Variants in SCFD2 observed in about 807,000 individuals in gnomAD.
The protein encoded by SCFD2 is sec1 family domain-containing protein 2.
Under a neutral mutation model 58.9 loss-of-function variants are expected in SCFD2, and 54 were observed. That is an observed-to-expected ratio of 0.92 (90% confidence interval 0.74 to 1.15). The LOEUF (loss-of-function observed/expected upper bound fraction) is 1.15, where lower values mean the gene tolerates loss of function less well. SCFD2 is among the 50% of genes most tolerant of loss of function. The probability of loss-of-function intolerance (pLI) is 0.00; values close to 1 mark genes in which losing one functional copy is unlikely to be tolerated. For synonymous variants in SCFD2, 321 were observed against 335.9 expected (o/e 0.96, Z 0.49); for missense variants, 805 against 836.6 (o/e 0.96, Z 0.47).
rs1431324633 is a variant in SCFD2, at chr4:53,132,222, C to G, written c.1561+13111G>C. 2.0e-5 allele frequency among the ~76,000 whole-genome samples: 3 copies of G among 152,316 alleles called. No homozygotes were observed. The East Asian group carries it at 5.8e-4, about 29-fold the overall frequency. On this transcript the variant is annotated intron_variant, in intron 5 of 8. Transcript: ENST00000401642. ...TTAAATATGTATTAAACATCTTAAA[C>G]TTCACTGATACAGTGTTTAGTAATA...
chr4:53,279,982 T>A (rs1230878499), intron 3 of SCFD2, among the ~76,000 whole-genome samples: 4 of 152,216 alleles, frequency 2.6e-5, no homozygotes, highest in African/African-American at 9.7e-5. Flanking sequence ...CAATTCAACA[T>A]GAGATTTGGG....
chr4:52,882,309 A>G (rs991227914), intron 8 of SCFD2, among the ~76,000 whole-genome samples: 1 of 152,184 alleles, frequency 6.6e-6, no homozygotes, highest in South Asian at 2.1e-4. Context: ...TTTAAATTCT[A>G]TGTGGCACAA....
intron 4 of SCFD2, among the ~76,000 whole-genome samples, chr4:53,231,594 ATTC>A (rs1270737531): frequency 1.3e-5 from 2 of 152,208 alleles, no homozygotes; most frequent in Non-Finnish European, 2.9e-5. Flanking sequence ...TATATGAATT[ATTC>A]TTAAGGAGAA....
At chr4:53,030,701 T>G (rs1722595656) in intron 5 of SCFD2, among the ~76,000 whole-genome samples, 1 of 152,092 alleles carries the variant, frequency 6.6e-6, no homozygotes, top group Admixed American at 6.6e-5. Context: ...AGATCACAGG[T>G]GTGAGCCACC....
chr4:53,084,591 T>G (rs1338693948), intron 5 of SCFD2, among the ~76,000 whole-genome samples: 8 of 152,348 alleles, frequency 5.3e-5, no homozygotes, highest in Admixed American at 2.6e-4. Context: ...ATTTGGGAAC[T>G]GATAAATGTC....
intron 5 of SCFD2, among the ~76,000 whole-genome samples, chr4:53,103,498 G>A (rs1173459942): frequency 6.7e-6 from 1 of 150,020 alleles, no homozygotes; most frequent in African/African-American, 2.4e-5. Flanking sequence ...GATATAGAAT[G>A]TTTCATAAAA....
At chr4:53,189,837 C>T (rs1727842573) in intron 4 of SCFD2, among the ~76,000 whole-genome samples, 1 of 152,182 alleles carries the variant, frequency 6.6e-6, no homozygotes. Flanking sequence ...GAATACATCA[C>T]CAGAATATTG....
At chr4:53,014,769 C>T (rs1577660591) in intron 5 of SCFD2, among the ~76,000 whole-genome samples, 1 of 152,168 alleles carries the variant, frequency 6.6e-6, no homozygotes, top group African/African-American at 2.4e-5. Flanking sequence ...AATACACGAG[C>T]TTGGTGGGAT....
intron 6 of SCFD2, among the ~76,000 whole-genome samples, chr4:52,913,332 A>G (rs1390011401): frequency 1.3e-5 from 2 of 152,128 alleles, no homozygotes; most frequent in African/African-American, 2.4e-5. Flanking sequence ...CACTTGCATT[A>G]CCGCCTGAGT....
At chr4:53,265,587 G>T (rs1224136976) in intron 4 of SCFD2, 1 of 151,844 alleles carries the variant, frequency 6.6e-6, no homozygotes, top group Non-Finnish European at 1.5e-5. Flanking sequence ...AATTTAAAGG[G>T]TCATTTATTT....
At chr4:53,181,786 C>T (rs1293144384) in intron 4 of SCFD2, among the ~76,000 whole-genome samples, 1 of 152,152 alleles carries the variant, frequency 6.6e-6, no homozygotes, top group Non-Finnish European at 1.5e-5. Flanking sequence ...TCTCCTCAAG[C>T]TGATAAGCAA....
intron 5 of SCFD2, among the ~76,000 whole-genome samples, chr4:52,947,473 T>C (rs796185023): frequency 5.3e-5 from 8 of 152,324 alleles, no homozygotes; most frequent in African/African-American, 1.9e-4. Context: ...AAGACACCTA[T>C]GCGAGAGCAT....
intron 5 of SCFD2, among the ~76,000 whole-genome samples, chr4:52,979,075 A>T (rs1471612081): frequency 3.9e-5 from 5 of 128,344 alleles, no homozygotes; most frequent in Non-Finnish European, 8.6e-5. Context: ...TGGGGGGGGG[A>T]GTAGTTAAGA....
intron 5 of SCFD2, among the ~76,000 whole-genome samples, chr4:53,116,914 C>A (rs72624192): frequency 0.098 from 14,968 of 152,154 alleles, 1,044 homozygotes; most frequent in East Asian, 0.25. Context: ...AGTACCATCA[C>A]CTTGTCACAG....
At chr4:53,173,080 C>T (rs1727226027) in intron 4 of SCFD2, among the ~76,000 whole-genome samples, 1 of 151,924 alleles carries the variant, frequency 6.6e-6, no homozygotes, top group African/African-American at 2.4e-5. Context: ...TTGAATCTAC[C>T]TTTTTATCAC....
chr4:52,996,469 C>T (rs764758171), intron 5 of SCFD2, among the ~76,000 whole-genome samples: 1 of 152,186 alleles, frequency 6.6e-6, no homozygotes. Flanking sequence ...TCAAGTTGTC[C>T]CAGTCACTGC....
chr4:53,121,970 T>C (rs1725491403), intron 5 of SCFD2, among the ~76,000 whole-genome samples: 1 of 152,192 alleles, frequency 6.6e-6, no homozygotes, highest in Admixed American at 6.5e-5. Context: ...GCTTTTAATT[T>C]CAGCTGCCAT....
intron 4 of SCFD2, among the ~76,000 whole-genome samples, chr4:53,181,826 A>G (rs1727569310): frequency 1.3e-5 from 2 of 152,218 alleles, no homozygotes; most frequent in Admixed American, 6.5e-5. Context: ...TACAAAATCA[A>G]TGTGCAAAAA....
intron 2 of SCFD2, among the ~76,000 whole-genome samples, chr4:53,340,647 C>A (rs893401204): frequency 6.6e-6 from 1 of 152,218 alleles, no homozygotes; most frequent in African/African-American, 2.4e-5. Flanking sequence ...GATCTGAGAA[C>A]GGGCAGACTA....
Sources: allele counts gnomAD v4.1 joint callset (sites outside exome capture counted in the v4.1 genomes callset), GRCh38; gene constraint gnomAD v4.1.1; transcripts MANE v1.5; gene names NCBI Gene and HGNC (gene_info 2026-07-23, HGNC 2026-07-21).